CUL5: variants seen among roughly 807,000 people sequenced by gnomAD.
CUL5 encodes the protein cullin-5.
CUL5 carries 26 observed loss-of-function variants against 108.8 expected under a neutral mutation model. That is an observed-to-expected ratio of 0.24 (90% CI 0.18 to 0.33). The LOEUF (loss-of-function observed/expected upper bound fraction) is 0.33, where lower values mean the gene tolerates loss of function less well. Ranked by LOEUF, CUL5 falls within the 10% of genes least tolerant of loss-of-function variation. The pLI is 1.00. For missense variants in CUL5, 524 were observed against 909.2 expected (o/e 0.58, Z 5.45); for synonymous variants, 334 against 298.0 (o/e 1.12, Z -1.25).
intron 2 of CUL5, among the ~76,000 whole-genome samples, chr11:108,035,997 G>A (rs1350328954): frequency 1.3e-5 from 2 of 152,136 alleles, no homozygotes; most frequent in East Asian, 1.9e-4. Flanking sequence ...AGTGATCAGC[G>A]AGACTGTCCT....
intron 1 of CUL5, among the ~76,000 whole-genome samples, chr11:108,032,691 T>C (rs555648818): frequency 6.6e-6 from 1 of 152,280 alleles, no homozygotes; most frequent in South Asian, 2.1e-4. Flanking sequence ...TGAGGTCTGA[T>C]TGTTTTGATA....
chr11:108,099,663 C>T (rs909701356), intron 18 of CUL5, among the ~76,000 whole-genome samples: 1 of 152,014 alleles, frequency 6.6e-6, no homozygotes, highest in African/African-American at 2.4e-5. Flanking sequence ...AATATATATA[C>T]CTATGTGAAC....
intron 2 of CUL5, among the ~76,000 whole-genome samples, chr11:108,038,190 G>A (rs1254833561): frequency 2.0e-5 from 3 of 151,848 alleles, no homozygotes; most frequent in Admixed American, 2.0e-4. Context: ...TTTTATGAAT[G>A]ATATGTTGGG....
intron 1 of CUL5, among the ~76,000 whole-genome samples, chr11:108,023,350 C>T (rs1372454944): frequency 6.6e-6 from 1 of 152,130 alleles, no homozygotes; most frequent in African/African-American, 2.4e-5. Context: ...AATTTTAATA[C>T]AGTGCAATTT....
At chr11:108,093,901 C>G (rs1864422356) in intron 13 of CUL5, among the ~76,000 whole-genome samples, 1 of 152,050 alleles carries the variant, frequency 6.6e-6, no homozygotes, top group African/African-American at 2.4e-5. Flanking sequence ...GGGGGTGTCA[C>G]TGTGTTGCCC....
intron 13 of CUL5, among the ~76,000 whole-genome samples, chr11:108,094,182 A>G (rs964570648): frequency 6.6e-6 from 1 of 152,214 alleles, no homozygotes; most frequent in African/African-American, 2.4e-5. Flanking sequence ...ATTCATACAT[A>G]CTAAAAATGC....
In CUL5 at chr11:108,049,916, G is replaced by A. The variant is rs372279778; in HGVS notation, c.261G>A (p.Thr87=). 1.2e-4 allele frequency: 192 copies of A among 1,612,948 alleles called. 2 individuals carry two copies. In the Middle Eastern group the frequency reaches 1.3e-3, roughly 11 times the overall value. ...GAGTACTGAGCCATCAAGATGATAC[G>A]GCTTTGCTAAAAGCATATATTGTTG... is the stretch of plus-strand genomic sequence containing the variant. ...QARVLSHQDD[T]ALLKAYIVEW... Residue 87 remains threonine (T), a synonymous_variant, in exon 4 of 19, where the codon ACG becomes ACA. Transcript: ENST00000393094.
chr11:108,107,144 G>C lies in CUL5; in HGVS notation c.*2760G>C, dbSNP rs1330281336. 6.6e-6 allele frequency: 1 copy of C among 151,086 alleles called. No homozygotes were observed. Among genetic ancestry groups the C allele is most frequent in the Non-Finnish European group, 1.5e-5 (1 of 67,778 alleles). The allele number at this position is 151,086 out of a possible 1,614,324, so 9.4% of individuals were successfully genotyped here. Reference sequence around the variant, plus strand: ...TTCCAATTTTTACATTTATTGGAGGGGTCCCTGAGTTCTGTCAACTTTTTT... The same window carrying C: ...TTCCAATTTTTACATTTATTGGAGGCGTCCCTGAGTTCTGTCAACTTTTTT... On this transcript the variant is annotated 3_prime_UTR_variant, in exon 19 of 19. Transcript: ENST00000393094.
At chr11:108,067,089 C>CTGTGTAT (rs1863703174) in intron 7 of CUL5, among the ~76,000 whole-genome samples, 1 of 152,164 alleles carries the variant, frequency 6.6e-6, no homozygotes, top group African/African-American at 2.4e-5. Context: ...CCTTATGAAC[C>CTGTGTAT]AACTGTGCAA....
chr11:108,028,182 T>C (rs1471516510), intron 1 of CUL5, among the ~76,000 whole-genome samples: 1 of 152,254 alleles, frequency 6.6e-6, no homozygotes, highest in Non-Finnish European at 1.5e-5. Context: ...TTCATATGAA[T>C]GTATAATAGA....
At chr11:108,011,996 C>G (rs1276738678) in intron 1 of CUL5, among the ~76,000 whole-genome samples, 3 of 152,186 alleles carry the variant, frequency 2.0e-5, no homozygotes, top group Non-Finnish European at 4.4e-5. Context: ...TGGACTATTG[C>G]TGGATCTTAG....
chr11:108,043,157 T>C (rs80019658), intron 2 of CUL5, among the ~76,000 whole-genome samples: 20,388 of 152,300 alleles, frequency 0.13, 1,477 homozygotes, highest in African/African-American at 0.19. Context: ...ATTGTAACCC[T>C]GAACTTCTGA....
intron 8 of CUL5, among the ~76,000 whole-genome samples, chr11:108,071,862 T>C (rs1439048765): frequency 1.3e-5 from 2 of 151,932 alleles, no homozygotes; most frequent in Admixed American, 6.6e-5. Flanking sequence ...CCTGATCACT[T>C]TTAATTCGAT....
rs189506621 is a variant in CUL5 at position 108,091,084 on chromosome 11, C to T, written c.1443+1461C>T. Among the ~76,000 whole-genome samples the T allele has an allele frequency of 6.7e-3, 1,012 of 151,522 alleles. 7 individuals are homozygous for T. The highest frequency in any genetic ancestry group is 7.9e-3 in the Non-Finnish European group (540 of 67,934). Reference sequence around the variant, plus strand: ...TCTTTTTTTTGGAGATGTAGTCTTGCTGTGTTACCCAGGCTGGATTGCAGT... The same window carrying T: ...TCTTTTTTTTGGAGATGTAGTCTTGTTGTGTTACCCAGGCTGGATTGCAGT... On this transcript the variant is annotated intron_variant, in intron 13 of 18. Coordinates refer to ENST00000393094, the MANE Select transcript of CUL5 (RefSeq NM_003478.6).
intron 3 of CUL5, among the ~76,000 whole-genome samples, chr11:108,047,817 A>G (rs1555016043): frequency 6.6e-6 from 1 of 152,210 alleles, no homozygotes; most frequent in Non-Finnish European, 1.5e-5. Context: ...TGACTTGATA[A>G]AGATAAATTA....
At chr11:108,057,905 G>T (rs1863426407) in intron 7 of CUL5, among the ~76,000 whole-genome samples, 1 of 152,096 alleles carries the variant, frequency 6.6e-6, no homozygotes, top group Non-Finnish European at 1.5e-5. Flanking sequence ...ATTAATCAAA[G>T]AAGTTGAAAA....
intron 2 of CUL5, among the ~76,000 whole-genome samples, chr11:108,036,781 C>T (rs887466507): frequency 7.2e-5 from 11 of 152,164 alleles, no homozygotes; most frequent in Non-Finnish European, 4.4e-5. Context: ...GCCCAGCCAT[C>T]CTTATTCCTT....
rs1864796360 is a variant in CUL5, at chr11:108,106,190, G to A, written c.*1806G>A. The A allele has an allele frequency of 6.6e-6, 1 of 152,486 alleles. No individual in the cohort carries two copies. The highest frequency in any genetic ancestry group is 1.5e-5 in the Non-Finnish European group (1 of 67,976). 9.4% of individuals were successfully genotyped at this position (152,486 alleles called of 1,614,324 possible). The stretch of plus-strand genomic sequence containing the variant: ...AAGAAATAATTTTGTAGTAATTGTG[G>A]CCCTTATGTTTAACAGATAATTCAG... On this transcript the variant is annotated 3_prime_UTR_variant, in exon 19 of 19. Transcript: ENST00000393094.
chr11:108,086,699 A>G (rs1443417324), intron 11 of CUL5, among the ~76,000 whole-genome samples: 1 of 152,236 alleles, frequency 6.6e-6, no homozygotes, highest in Non-Finnish European at 1.5e-5. Context: ...TGATGGAAGT[A>G]TCACAGCAGT....
Sources: gnomAD v4.1 joint callset for allele counts (sites outside exome capture counted in the v4.1 genomes callset) on GRCh38, gnomAD v4.1.1 for gene constraint, MANE v1.5 for transcripts, NCBI Gene and HGNC (gene_info 2026-07-23, HGNC 2026-07-21) for gene names.